Variants in SEMA3A observed in about 807,000 individuals in gnomAD.
The protein encoded by SEMA3A is semaphorin-3A.
SEMA3A carries 29 observed loss-of-function variants against 97.9 expected under a neutral mutation model. That is an observed-to-expected ratio of 0.30 (90% CI 0.22 to 0.40). The LOEUF (loss-of-function observed/expected upper bound fraction) is 0.40. Ranked by LOEUF, SEMA3A falls within the 10% of genes least tolerant of loss-of-function variation. The pLI is 1.00. For missense variants in SEMA3A, 763 were observed against 951.3 expected (o/e 0.80, Z 2.60); for synonymous variants, 321 against 323.7 (o/e 0.99, Z 0.09).
chr7:84,335,961 C>A (rs185984135), intron 2 of SEMA3A, among the ~76,000 whole-genome samples: 2 of 151,960 alleles, frequency 1.3e-5, no homozygotes, highest in Admixed American at 6.6e-5. Context: ...AAAATCTGTC[C>A]ATTTCAACTC....
intron 1 of SEMA3A, among the ~76,000 whole-genome samples, chr7:84,474,317 C>T (rs1045338331): frequency 6.6e-5 from 10 of 152,094 alleles, no homozygotes; most frequent in African/African-American, 2.2e-4. Flanking sequence ...TTGAAAAAAG[C>T]GAATCTGAGG....
intron 15 of SEMA3A, among the ~76,000 whole-genome samples, chr7:83,969,035 T>A (rs1052646807): frequency 9.9e-5 from 15 of 152,128 alleles, no homozygotes; most frequent in African/African-American, 3.6e-4. Context: ...TGTCTCAAAC[T>A]CCTGATCTCA....
At chr7:84,005,209 A>G in intron 11 of SEMA3A, 130 bp downstream of exon 11, 1 of 665,552 alleles carries the variant, frequency 1.5e-6, no homozygotes, top group Non-Finnish European at 2.6e-6. Context: ...GGAAATCAAA[A>G]GTTAGTTATA....
intron 1 of SEMA3A, among the ~76,000 whole-genome samples, chr7:84,169,547 T>C (rs1356128378): frequency 1.3e-5 from 2 of 148,876 alleles, no homozygotes; most frequent in African/African-American, 2.4e-5. Context: ...TAATACTATA[T>C]ATAATAATAA....
At chr7:84,083,962 A>T (rs1296288486) in intron 4 of SEMA3A, among the ~76,000 whole-genome samples, 1 of 152,060 alleles carries the variant, frequency 6.6e-6, no homozygotes, top group Non-Finnish European at 1.5e-5. Flanking sequence ...TCACAATAAC[A>T]GCTAAATCTC....
chr7:84,406,031 C>T (rs972613000), intron 1 of SEMA3A, among the ~76,000 whole-genome samples: 6 of 151,624 alleles, frequency 4.0e-5, no homozygotes, highest in African/African-American at 7.3e-5. Flanking sequence ...TAGCAGAAGG[C>T]GAGAAATAAC....
chr7:84,319,509 C>A (rs1414469223), intron 2 of SEMA3A, among the ~76,000 whole-genome samples: 3 of 151,752 alleles, frequency 2.0e-5, no homozygotes, highest in African/African-American at 7.3e-5. Context: ...GGCTTATTAG[C>A]CAGGAGATTC....
At chr7:84,173,374 G>A (rs1013578388) in intron 1 of SEMA3A, among the ~76,000 whole-genome samples, 4 of 151,690 alleles carry the variant, frequency 2.6e-5, no homozygotes, top group African/African-American at 7.3e-5. Context: ...CGGCCCACAC[G>A]GTGAAATCCC....
At chr7:84,380,424 G>T (rs563637468) in intron 1 of SEMA3A, among the ~76,000 whole-genome samples, 1 of 152,264 alleles carries the variant, frequency 6.6e-6, no homozygotes, top group East Asian at 1.9e-4. Flanking sequence ...AAGTTCTTTT[G>T]TGTGATATGG....
chr7:84,154,748 A>C (rs571790670), intron 1 of SEMA3A, among the ~76,000 whole-genome samples: 11 of 151,702 alleles, frequency 7.3e-5, no homozygotes, highest in Non-Finnish European at 1.0e-4. Flanking sequence ...AATATTTTAG[A>C]TCTGTTTCAG....
chr7:84,466,171 T>C (rs1805990503), intron 1 of SEMA3A, among the ~76,000 whole-genome samples: 1 of 152,048 alleles, frequency 6.6e-6, no homozygotes, highest in African/African-American at 2.4e-5. Flanking sequence ...TTTTGTTTGT[T>C]TGTTTGTTTG....
At chr7:84,379,760 T>C (rs544044747) in intron 1 of SEMA3A, among the ~76,000 whole-genome samples, 2 of 152,184 alleles carry the variant, frequency 1.3e-5, no homozygotes, top group African/African-American at 4.8e-5. Context: ...GGTAAACCCA[T>C]GTCATTTTTG....
intron 1 of SEMA3A, among the ~76,000 whole-genome samples, chr7:84,469,061 A>C (rs1806077584): frequency 6.6e-6 from 1 of 152,160 alleles, no homozygotes; most frequent in African/African-American, 2.4e-5. Flanking sequence ...CATTTATAAA[A>C]TAGAATAGGC....
At chr7:84,255,122 T>C (rs1298436962) in intron 3 of SEMA3A, among the ~76,000 whole-genome samples, 3 of 152,150 alleles carry the variant, frequency 2.0e-5, no homozygotes, top group Non-Finnish European at 4.4e-5. Flanking sequence ...TACCTGGCTA[T>C]ATGTATGAGT....
At chr7:84,085,312 G>A (rs993329290) in intron 4 of SEMA3A, among the ~76,000 whole-genome samples, 4 of 151,774 alleles carry the variant, frequency 2.6e-5, no homozygotes, top group Non-Finnish European at 4.4e-5. Flanking sequence ...GAGTGGGGGT[G>A]TCATAGGAAA....
chr7:84,062,784 C>G (rs1017201205), intron 4 of SEMA3A, among the ~76,000 whole-genome samples: 30 of 152,282 alleles, frequency 2.0e-4, no homozygotes, highest in African/African-American at 7.0e-4. Flanking sequence ...CACGGAGTCT[C>G]GCTGATTGCT....
intron 1 of SEMA3A, among the ~76,000 whole-genome samples, chr7:84,150,931 C>T (rs538943730): frequency 0.036 from 5,321 of 149,204 alleles, 162 homozygotes; most frequent in Non-Finnish European, 0.048. Context: ...GGTCCCTGAC[C>T]CCTGACCCCT....
At chr7:84,402,742 A>T (rs967288225) in intron 1 of SEMA3A, among the ~76,000 whole-genome samples, 1 of 152,222 alleles carries the variant, frequency 6.6e-6, no homozygotes, top group Non-Finnish European at 1.5e-5. Context: ...CCACAAAAAG[A>T]ATAATATTCT....
intron 6 of SEMA3A, among the ~76,000 whole-genome samples, chr7:84,034,765 T>G (rs574631064): frequency 6.9e-6 from 1 of 144,308 alleles, no homozygotes; most frequent in African/African-American, 2.5e-5. Flanking sequence ...GGCAGTCCAT[T>G]AATCCTATTT....
Sources: gnomAD v4.1 joint callset for allele counts (sites outside exome capture counted in the v4.1 genomes callset) on GRCh38, gnomAD v4.1.1 for gene constraint, MANE v1.5 for transcripts, NCBI Gene and HGNC (gene_info 2026-07-23, HGNC 2026-07-21) for gene names.